LANCL3: variants seen among roughly 807,000 people sequenced by gnomAD.
The protein encoded by LANCL3 is lanC-like protein 3.
Under a neutral mutation model 26.5 loss-of-function variants are expected in LANCL3, and 19 were observed. The ratio of observed to expected loss-of-function variants is 0.72; its 90% CI spans 0.50 to 1.05. The LOEUF is 1.05. Among genes scored for constraint, LANCL3 ranks in the 50% least tolerant of loss-of-function variants. The probability of loss-of-function intolerance (pLI) is 0.00; values close to 1 mark genes in which losing one functional copy is unlikely to be tolerated. For missense variants in LANCL3, 318 were observed against 362.7 expected (o/e 0.88, Z 1.00); for synonymous variants, 160 against 166.6 (o/e 0.96, Z 0.30).
intron 2 of LANCL3, among the ~76,000 whole-genome samples, chrX:37,656,509 T>A (rs1313011253): frequency 8.9e-6 from 1 of 112,138 alleles, no homozygotes; most frequent in African/African-American, 3.2e-5. Flanking sequence ...ATACCCAGAT[T>A]TCAAGACTCT....
intron 4 of LANCL3, among the ~76,000 whole-genome samples, chrX:37,668,052 A>G (rs951685613): frequency 5.4e-5 from 6 of 110,104 alleles, no homozygotes; most frequent in Non-Finnish European, 9.5e-5. Flanking sequence ...CTGGGGATCA[A>G]ATTTCAACAT....
chrX:37,609,895 C>G (rs1479114926), intron 1 of LANCL3, among the ~76,000 whole-genome samples: 1 of 111,597 alleles, frequency 9.0e-6, no homozygotes, highest in Non-Finnish European at 1.9e-5. Flanking sequence ...TATACTGTGA[C>G]TTTAAAAAAT....
At chrX:37,581,766 G>A (rs535234000) in intron 1 of LANCL3, among the ~76,000 whole-genome samples, 6 of 111,636 alleles carry the variant, frequency 5.4e-5, no homozygotes, top group South Asian at 7.6e-4. Context: ...ACGAAAACCC[G>A]AACTTATTAT....
At chrX:37,628,702 G>GT (rs1376966133) in intron 1 of LANCL3, among the ~76,000 whole-genome samples, 2 of 102,678 alleles carry the variant, frequency 1.9e-5, no homozygotes, top group Non-Finnish European at 2.0e-5. Flanking sequence ...GTGGTGTTTG[G>GT]TTTTTTGTCC....
chrX:37,572,563 G>T, intron 1 of LANCL3, 120 bp downstream of exon 1: 1 of 579,497 alleles, frequency 1.7e-6, no homozygotes. Flanking sequence ...TACTCTTGGT[G>T]TGGTGCTAGC....
intron 1 of LANCL3, among the ~76,000 whole-genome samples, chrX:37,582,246 T>C (rs1923919299): frequency 8.9e-6 from 1 of 112,080 alleles, no homozygotes; most frequent in Non-Finnish European, 1.9e-5. Context: ...TAAACATACG[T>C]GTGCATGTGT....
intron 1 of LANCL3, among the ~76,000 whole-genome samples, chrX:37,651,272 A>G (rs1421555311): frequency 5.4e-5 from 6 of 111,500 alleles, no homozygotes; most frequent in African/African-American, 2.0e-4. Context: ...GTCAAATGGT[A>G]TTTCTAGTTC....
chrX:37,656,870 T>C (rs1203505509), intron 2 of LANCL3, among the ~76,000 whole-genome samples: 2 of 113,179 alleles, frequency 1.8e-5, no homozygotes, highest in African/African-American at 6.4e-5. Flanking sequence ...AGAAATTTTA[T>C]GTCTGTTTAA....
chrX:37,625,043 C>T (rs782090166), intron 1 of LANCL3, among the ~76,000 whole-genome samples: 22 of 111,248 alleles, frequency 2.0e-4, no homozygotes, highest in African/African-American at 7.2e-4. Flanking sequence ...GCTGCGGGCA[C>T]TAGGGAGAAG....
intron 1 of LANCL3, among the ~76,000 whole-genome samples, chrX:37,603,278 G>A (rs1312625152): frequency 1.8e-5 from 2 of 112,266 alleles, no homozygotes; most frequent in African/African-American, 6.5e-5. Flanking sequence ...GGAGTTTTAT[G>A]CATGCCTCAG....
chrX:37,616,417 A>G (rs1925010864), intron 1 of LANCL3, among the ~76,000 whole-genome samples: 1 of 111,996 alleles, frequency 8.9e-6, no homozygotes, highest in Non-Finnish European at 1.9e-5. Context: ...GCATCTCTAC[A>G]TTGTAATGGG....
chrX:37,606,504 A>G (rs782637693), intron 1 of LANCL3, among the ~76,000 whole-genome samples: 5 of 112,302 alleles, frequency 4.5e-5, no homozygotes, highest in Admixed American at 9.4e-5. Context: ...ATGCAGGAAT[A>G]TCAGCTCTTT....
At chrX:37,582,869 T>A (rs1923940325) in intron 1 of LANCL3, among the ~76,000 whole-genome samples, 1 of 112,220 alleles carries the variant, frequency 8.9e-6, no homozygotes, top group Non-Finnish European at 1.9e-5. Context: ...GCTTTTGGTG[T>A]TTTAGACATG....
intron 3 of LANCL3, among the ~76,000 whole-genome samples, chrX:37,660,990 T>C (rs1926404041): frequency 1.1e-5 from 1 of 93,196 alleles, no homozygotes; most frequent in East Asian, 2.9e-4. Context: ...TCTTTTTAAT[T>C]TGACCTTTTT....
intron 1 of LANCL3, among the ~76,000 whole-genome samples, chrX:37,631,915 A>G (rs1376278622): frequency 9.1e-6 from 1 of 110,467 alleles, no homozygotes; most frequent in African/African-American, 3.3e-5. Context: ...GTGCTGAAAA[A>G]AAATGTCTAT....
intron 1 of LANCL3, among the ~76,000 whole-genome samples, chrX:37,646,928 C>T (rs1569468357): frequency 8.9e-6 from 1 of 112,173 alleles, no homozygotes; most frequent in East Asian, 2.8e-4. Context: ...TATGTCAACT[C>T]ATCCCACCTT....
intron 1 of LANCL3, among the ~76,000 whole-genome samples, chrX:37,606,682 C>T (rs1924724554): frequency 9.0e-6 from 1 of 111,464 alleles, no homozygotes; most frequent in African/African-American, 3.3e-5. Context: ...TGATTTACCC[C>T]CACGAGGCTT....
At chrX:37,646,095 A>T (rs1471720926) in intron 1 of LANCL3, among the ~76,000 whole-genome samples, 2 of 112,641 alleles carry the variant, frequency 1.8e-5, no homozygotes, top group Non-Finnish European at 3.7e-5. Context: ...TACTTTTAGG[A>T]TTTAAATGAA....
intron 1 of LANCL3, among the ~76,000 whole-genome samples, chrX:37,652,815 G>T (rs1446383110): frequency 8.9e-6 from 1 of 111,878 alleles, no homozygotes; most frequent in Admixed American, 9.5e-5. Context: ...GGGGCAGAGA[G>T]TGGAGGGATA....
Sources: allele counts gnomAD v4.1 joint callset (sites outside exome capture counted in the v4.1 genomes callset), GRCh38; gene constraint gnomAD v4.1.1; transcripts MANE v1.5; gene names NCBI Gene and HGNC (gene_info 2026-07-23, HGNC 2026-07-21).